The following SUV39H2 variants were observed in gnomAD, a reference collection of about 807,000 sequenced individuals.
SUV39H2 encodes the protein histone-lysine N-methyltransferase SUV39H2.
In SUV39H2, 10 loss-of-function variants were observed where a neutral mutation model predicts 47.5. That is an observed-to-expected ratio of 0.21 (90% CI 0.13 to 0.36). The LOEUF (loss-of-function observed/expected upper bound fraction) is 0.36. SUV39H2 is among the 10% of genes least tolerant of loss of function. The pLI is 1.00. For synonymous variants in SUV39H2, 159 were observed against 166.8 expected, an observed-to-expected ratio of 0.95 and a Z score of 0.36; for missense variants, 266 against 487.4, an observed-to-expected ratio of 0.55 and a Z score of 4.28.
chr10:14,879,450 A>C (rs1284879213), intron 1 of SUV39H2, among the ~76,000 whole-genome samples: 21 of 152,188 alleles, frequency 1.4e-4, no homozygotes, highest in Non-Finnish European at 3.1e-4. Context: ...AATCCCCCCC[A>C]AGGCGGACAC....
chr10:14,895,984 C>T (rs977396540), intron 2 of SUV39H2, among the ~76,000 whole-genome samples: 1 of 150,492 alleles, frequency 6.6e-6, no homozygotes, highest in Non-Finnish European at 1.5e-5. Flanking sequence ...CACTCTGTCG[C>T]CCACGCTGGA....
intron 2 of SUV39H2, among the ~76,000 whole-genome samples, chr10:14,895,799 T>A (rs148541206): frequency 4.9e-4 from 74 of 152,340 alleles, no homozygotes; most frequent in Non-Finnish European, 9.6e-4. Context: ...CTGAAATTGC[T>A]TTCAAGAATG....
At chr10:14,894,890 C>T (rs944202632) in intron 2 of SUV39H2, among the ~76,000 whole-genome samples, 2 of 152,092 alleles carry the variant, frequency 1.3e-5, no homozygotes, top group African/African-American at 4.8e-5. Flanking sequence ...ACTGTTAAAA[C>T]AACTGTCATG....
At chr10:14,898,947 G>A (rs934914278) in intron 3 of SUV39H2, 7 of 416,408 alleles carry the variant, frequency 1.7e-5, no homozygotes, top group Non-Finnish European at 3.0e-5. Context: ...GTTGTGTCCT[G>A]TAGAGAGCTA....
rs544947962 is a variant in SUV39H2 at position 14,889,662 on chromosome 10, T to C, written c.178-7184T>C. 2.6e-5 allele frequency among the ~76,000 whole-genome samples: 4 copies of C among 152,240 alleles called. No individual in the cohort carries two copies. In the East Asian group the frequency reaches 7.7e-4, roughly 29 times the overall value. Reference sequence around the variant, plus strand: ...TTGCATTAGTAACAAAGGTCATACATCACTGAAAATAACACAGGAGGTAGG... The same window carrying C: ...TTGCATTAGTAACAAAGGTCATACACCACTGAAAATAACACAGGAGGTAGG... On this transcript the variant is annotated intron_variant, in intron 2 of 5. Coordinates refer to ENST00000354919, the MANE Select transcript of SUV39H2 (RefSeq NM_001193424.2).
At chr10:14,879,547 C>T (rs930406102) in intron 1 of SUV39H2, among the ~76,000 whole-genome samples, 3 of 152,120 alleles carry the variant, frequency 2.0e-5, no homozygotes, top group African/African-American at 7.2e-5. Flanking sequence ...ACTCTTTCAC[C>T]CACCGGGAGC....
rs974245615 is a variant in SUV39H2 at position 14,902,611 on chromosome 10, C to G, written c.*99C>G. Reference sequence around the variant, plus strand: ...GGGACTCTTATTATCAAGGTTCTACCTATGTTAATTTACAATTCATGTTTC... The same window carrying G: ...GGGACTCTTATTATCAAGGTTCTACGTATGTTAATTTACAATTCATGTTTC... On this transcript the variant is annotated 3_prime_UTR_variant, in exon 6 of 6. Coordinates refer to ENST00000354919, the MANE Select transcript of SUV39H2 (RefSeq NM_001193424.2). 46 of 733,392 alleles carry G rather than the reference C, an allele frequency of 6.3e-5. No homozygotes were observed. Among genetic ancestry groups the G allele is most frequent in the Non-Finnish European group, 6.5e-5 (31 of 477,414 alleles). 45.4% of individuals were successfully genotyped at this position (733,392 alleles called of 1,614,324 possible). A position where few individuals can be genotyped will look rare whatever the true frequency, so the allele number is the denominator to read the frequency against.
At chr10:14,897,600 ATACT>A in intron 3 of SUV39H2, 83 bp downstream of exon 3, 2 of 1,172,048 alleles carry the variant, frequency 1.7e-6, no homozygotes, top group Non-Finnish European at 2.3e-6. Flanking sequence ...TCTTTAAGAG[ATACT>A]TGGTACATTT....
chr10:14,886,436 C>A (rs183514712), intron 2 of SUV39H2, among the ~76,000 whole-genome samples: 1 of 152,334 alleles, frequency 6.6e-6, no homozygotes, highest in East Asian at 1.9e-4. Context: ...TATATCAGAT[C>A]TTCCCTGCCA....
intron 2 of SUV39H2, among the ~76,000 whole-genome samples, chr10:14,883,996 G>A (rs1441819767): frequency 6.6e-6 from 1 of 152,178 alleles, no homozygotes; most frequent in East Asian, 1.9e-4. Flanking sequence ...TTCATGTTGT[G>A]AAATATATCA....
chr10:14,895,376 A>G (rs1283428127), intron 2 of SUV39H2, among the ~76,000 whole-genome samples: 6 of 152,088 alleles, frequency 3.9e-5, no homozygotes, highest in East Asian at 1.9e-4. Flanking sequence ...GGGTTTCGCC[A>G]TATTGGCCAG....
Position 14,879,195 on chromosome 10 carries a change from C to T in SUV39H2, c.31+276C>T, listed in dbSNP as rs1027412646. 36 of 1,086,354 alleles carry T rather than the reference C, an allele frequency of 3.3e-5. No homozygotes were observed. The African/African-American group carries it at 5.4e-4, about 16-fold the overall frequency. The allele number at this position is 1,086,354 out of a possible 1,614,324, so 67.3% of individuals were successfully genotyped here. ...GGCCTCTCCGCCCGCTCGGCCCGGC[C>T]CCCTCCGCGTCTCCCGTGGCGGCCT... On this transcript the variant is annotated intron_variant, in intron 1 of 5. Transcript: ENST00000354919.
At chr10:14,879,080 C>T in intron 1 of SUV39H2, 161 bp downstream of exon 1, 1 of 1,288,866 alleles carries the variant, frequency 7.8e-7, no homozygotes, top group African/African-American at 1.6e-5. Context: ...CCTATCCTCC[C>T]CCAGGCCGCT....
In SUV39H2 at chr10:14,879,894, C is replaced by G. The variant is rs184399701; in HGVS notation, c.31+975C>G. 166 of 149,716 alleles carry G rather than the reference C, an allele frequency of 1.1e-3. 2 individuals carry two copies. Among genetic ancestry groups the G allele is most frequent in the African/African-American group, 3.8e-3 (155 of 40,862 alleles). The allele number at this position is 149,716 out of a possible 1,614,324, so 9.3% of individuals were successfully genotyped here. On this transcript the variant is annotated intron_variant, in intron 1 of 5. Coordinates refer to ENST00000354919, the MANE Select transcript of SUV39H2 (RefSeq NM_001193424.2). Reference sequence around the variant, plus strand: ...GAGAGATTGTCTTTCTTTTTTTAACCACGTGTTTGCAGTTTTTCATGTTCA... The same window carrying G: ...GAGAGATTGTCTTTCTTTTTTTAACGACGTGTTTGCAGTTTTTCATGTTCA...
Position 14,881,785 on chromosome 10 carries a change from T to C in SUV39H2, c.177+140T>C, listed in dbSNP as rs1287947228. 19 of 741,844 alleles carry C rather than the reference T, an allele frequency of 2.6e-5. No individual in the cohort carries two copies. In the East Asian group the frequency reaches 5.6e-4, roughly 22 times the overall value. 46.0% of individuals were successfully genotyped at this position (741,844 alleles called of 1,614,324 possible). ...AGGCATGATAAATTTATATGTCCTA[T>C]CATCTGTGTTGCCAAATAGCATTGA... On this transcript the variant is annotated intron_variant, in intron 2 of 5. Coordinates refer to ENST00000354919, the MANE Select transcript of SUV39H2 (RefSeq NM_001193424.2).
At chr10:14,901,477 A>G (rs1834004071) in intron 5 of SUV39H2, among the ~76,000 whole-genome samples, 1 of 152,080 alleles carries the variant, frequency 6.6e-6, no homozygotes, top group Non-Finnish European at 1.5e-5. Flanking sequence ...TCTACATCGT[A>G]AATTTTCAGA....
At chr10:14,894,247 C>T (rs897170661) in intron 2 of SUV39H2, among the ~76,000 whole-genome samples, 15 of 148,584 alleles carry the variant, frequency 1.0e-4, no homozygotes, top group African/African-American at 2.2e-4. Flanking sequence ...TTCCTGGAAC[C>T]GCAATATATA....
At chr10:14,879,950 A>G (rs1047463721) in intron 1 of SUV39H2, 3 of 146,586 alleles carry the variant, frequency 2.0e-5, no homozygotes, top group Admixed American at 6.8e-5. Flanking sequence ...TTCAAAGAGC[A>G]TTTCCTTTGC....
At chr10:14,888,429 A>G (rs1050028435) in intron 2 of SUV39H2, among the ~76,000 whole-genome samples, 1 of 151,582 alleles carries the variant, frequency 6.6e-6, no homozygotes, top group African/African-American at 2.4e-5. Context: ...AGGTCAGGAG[A>G]TTGAGACCAT....
Sources: gnomAD v4.1 joint callset for allele counts (sites outside exome capture counted in the v4.1 genomes callset) on GRCh38, gnomAD v4.1.1 for gene constraint, MANE v1.5 for transcripts, NCBI Gene and HGNC (gene_info 2026-07-23, HGNC 2026-07-21) for gene names.